The following DERL1 variants were observed in gnomAD, a reference collection of about 807,000 sequenced individuals.
DERL1 encodes derlin 1.
In DERL1, 24 loss-of-function variants were observed where a neutral mutation model predicts 41.6. That is an observed-to-expected ratio of 0.58 (90% CI 0.42 to 0.81). The LOEUF (loss-of-function observed/expected upper bound fraction) is 0.81. DERL1 is among the 30% of genes least tolerant of loss of function. The probability of loss-of-function intolerance (pLI) is 0.00; values close to 1 mark genes in which losing one functional copy is unlikely to be tolerated. For missense variants in DERL1, 260 were observed against 314.3 expected, an observed-to-expected ratio of 0.83 and a Z score of 1.31; for synonymous variants, 124 against 112.5, an observed-to-expected ratio of 1.10 and a Z score of -0.65.
chr8:123,041,876 G>C, intron 1 of DERL1, 94 bp downstream of exon 1: 1 of 1,441,440 alleles, frequency 6.9e-7, no homozygotes, highest in Non-Finnish European at 9.2e-7. Flanking sequence ...AATCCCAGCA[G>C]GCACCGCGCG....
intron 2 of DERL1, among the ~76,000 whole-genome samples, chr8:123,026,110 G>A (rs1242778674): frequency 2.0e-5 from 3 of 151,970 alleles, no homozygotes; most frequent in Admixed American, 6.6e-5. Context: ...CCCAACAAGT[G>A]TCAGTAAGGC....
intron 2 of DERL1, chr8:123,030,398 A>G (rs2385077): frequency 0.65 from 269,104 of 416,368 alleles, 88,078 homozygotes; most frequent in South Asian, 0.7. Flanking sequence ...AAATGGTAAC[A>G]CTGCTACTTA....
chr8:123,034,937 G>A (rs969263403), intron 1 of DERL1, among the ~76,000 whole-genome samples: 1 of 152,206 alleles, frequency 6.6e-6, no homozygotes, highest in African/African-American at 2.4e-5. Flanking sequence ...TTGGAATTAA[G>A]AAAGTGAATT....
chr8:123,031,311 G>C (rs1415143356), intron 1 of DERL1, among the ~76,000 whole-genome samples: 1 of 152,190 alleles, frequency 6.6e-6, no homozygotes, highest in East Asian at 1.9e-4. Context: ...TTAGGAAGCT[G>C]AGGCAGGCAG....
At chr8:123,038,333 C>T (rs746253531) in intron 1 of DERL1, among the ~76,000 whole-genome samples, 1 of 152,184 alleles carries the variant, frequency 6.6e-6, no homozygotes, top group Non-Finnish European at 1.5e-5. Context: ...TCCTTGACTG[C>T]TTCATTTGCA....
chr8:123,037,507 G>T (rs558778803), intron 1 of DERL1, among the ~76,000 whole-genome samples: 6 of 152,174 alleles, frequency 3.9e-5, no homozygotes, highest in African/African-American at 1.2e-4. Context: ...CTTGCCTAAG[G>T]GTACACAACT....
rs1814463410 is a variant in DERL1 at position 123,013,330 on chromosome 8, CTT to C, written c.*2115_*2116del. 1 of 152,158 alleles carries C rather than the reference CTT, an allele frequency of 6.6e-6. No homozygotes were observed. The highest frequency in any genetic ancestry group is 2.4e-5 in the African/African-American group (1 of 41,434). 9.4% of individuals were successfully genotyped at this position (152,158 alleles called of 1,614,324 possible). On this transcript the variant is annotated 3_prime_UTR_variant, in exon 8 of 8. Transcript: ENST00000259512. ...AGACAGCAGAGCAGGGACATGGAAACTTAACACAGACAACCTTCAAGTTGCAC... is the reference window on the plus strand; with the variant it reads ...AGACAGCAGAGCAGGGACATGGAAACAACACAGACAACCTTCAAGTTGCAC...
intron 5 of DERL1, 74 bp from the exon 6 acceptor site, chr8:123,021,573 T>G: frequency 7.4e-7 from 1 of 1,346,490 alleles, no homozygotes; most frequent in Non-Finnish European, 1.1e-6. Context: ...GGGACTAAAG[T>G]GGGTAAGGAT....
intron 1 of DERL1, among the ~76,000 whole-genome samples, chr8:123,035,723 C>A (rs1812912056): frequency 6.6e-6 from 1 of 152,312 alleles, no homozygotes; most frequent in South Asian, 2.1e-4. Flanking sequence ...GCTATATACA[C>A]CCTTAAAGAA....
intron 2 of DERL1, among the ~76,000 whole-genome samples, chr8:123,029,412 C>A (rs1387466369): frequency 6.6e-6 from 1 of 152,076 alleles, no homozygotes; most frequent in East Asian, 1.9e-4. Context: ...AAAGCAAATG[C>A]CAATTTAAGG....
Position 123,015,360 on chromosome 8 carries a change from C to A in DERL1, c.*87G>T. ...TACATTCAGTGTGGGTCAGGTCCAA[C>A]AGTGTTAGCCAGAACGCAGTTGTTA... On this transcript the variant is annotated 3_prime_UTR_variant, in exon 8 of 8. Transcript: ENST00000259512. 2 of 1,514,594 alleles carry A rather than the reference C, an allele frequency of 1.3e-6. No homozygotes were observed. Among genetic ancestry groups the A allele is most frequent in the Non-Finnish European group, 8.9e-7 (1 of 1,123,678 alleles). 93.8% of individuals were successfully genotyped at this position (1,514,594 alleles called of 1,614,324 possible). A position where few individuals can be genotyped will look rare whatever the true frequency, so the allele number is the denominator to read the frequency against.
chr8:123,041,930 G>A, intron 1 of DERL1, 40 bp downstream of exon 1: 2 of 1,546,230 alleles, frequency 1.3e-6, no homozygotes, highest in Non-Finnish European at 1.7e-6. Context: ...TGGGCCTCCT[G>A]GGGCCTGTAG....
intron 6 of DERL1, among the ~76,000 whole-genome samples, chr8:123,020,043 C>T (rs1158216162): frequency 6.6e-6 from 1 of 152,226 alleles, no homozygotes; most frequent in Non-Finnish European, 1.5e-5. Flanking sequence ...ATGCTTTGCT[C>T]TAAACAGTCT....
intron 1 of DERL1, 146 bp from the exon 2 acceptor site, chr8:123,030,862 A>C (rs1452881882): frequency 1.6e-6 from 1 of 633,776 alleles, no homozygotes; most frequent in East Asian, 2.9e-5. Context: ...AAACAACTGA[A>C]GAAAAGTGTT....
intron 7 of DERL1, chr8:123,017,753 TTAAAG>T (rs1177105596): frequency 1.3e-5 from 2 of 152,242 alleles, no homozygotes; most frequent in East Asian, 1.9e-4. Context: ...ATATGGCCAT[TTAAAG>T]TAAAGTAACT....
chr8:123,020,912 G>A, intron 6 of DERL1, among the ~76,000 whole-genome samples: 1 of 149,268 alleles, frequency 6.7e-6, no homozygotes, highest in Non-Finnish European at 1.5e-5. Flanking sequence ...GTTACAATGA[G>A]CCAAGATCGC....
intron 1 of DERL1, among the ~76,000 whole-genome samples, chr8:123,034,914 G>C (rs1812892786): frequency 6.6e-6 from 1 of 152,170 alleles, no homozygotes; most frequent in Admixed American, 6.5e-5. Context: ...TATCTTACAG[G>C]ATTTGTAAAA....
chr8:123,041,853 C>G, intron 1 of DERL1, 117 bp downstream of exon 1: 1 of 1,381,228 alleles, frequency 7.2e-7, no homozygotes, highest in Non-Finnish European at 9.5e-7. Flanking sequence ...CCGCCGGCGC[C>G]GGACCCACTA....
intron 7 of DERL1, chr8:123,018,543 T>C (rs1182857495): frequency 4.6e-5 from 7 of 152,244 alleles, no homozygotes; most frequent in Non-Finnish European, 4.4e-5. Flanking sequence ...GGAGGTTTGA[T>C]TAAGTAACTT....
Sources: allele counts gnomAD v4.1 joint callset (sites outside exome capture counted in the v4.1 genomes callset), GRCh38; gene constraint gnomAD v4.1.1; transcripts MANE v1.5; gene names NCBI Gene and HGNC (gene_info 2026-07-23, HGNC 2026-07-21).